The following KIF13B variants were observed in gnomAD, a reference collection of about 807,000 sequenced individuals.
KIF13B encodes kinesin family member 13B.
Under a neutral mutation model 222.0 loss-of-function variants are expected in KIF13B, and 127 were observed. The ratio of observed to expected loss-of-function variants is 0.57; its 90% CI spans 0.50 to 0.66. KIF13B has a LOEUF of 0.66. Ranked by LOEUF, KIF13B falls within the 30% of genes least tolerant of loss-of-function variation. The pLI is 0.00. For missense variants in KIF13B, 2,173 were observed against 2,379.0 expected (o/e 0.91, Z 1.80); for synonymous variants, 976 against 919.0 (o/e 1.06, Z -1.12).
intron 1 of KIF13B, among the ~76,000 whole-genome samples, chr8:29,261,325 A>C (rs1816672931): frequency 6.6e-6 from 1 of 152,244 alleles, no homozygotes; most frequent in African/African-American, 2.4e-5. Flanking sequence ...GCAATTTATA[A>C]GAGAAAAGCA....
At chr8:29,121,663 A>T (rs1809866058) in intron 29 of KIF13B, among the ~76,000 whole-genome samples, 1 of 140,152 alleles carries the variant, frequency 7.1e-6, no homozygotes, top group South Asian at 2.5e-4. Context: ...CTTCATGTCC[A>T]AAACACCAAA....
At chr8:29,255,917 T>C (rs1487538099) in intron 1 of KIF13B, among the ~76,000 whole-genome samples, 1 of 152,144 alleles carries the variant, frequency 6.6e-6, no homozygotes, top group Non-Finnish European at 1.5e-5. Context: ...GAGGTTGCTC[T>C]TCTTGGCCTC....
chr8:29,204,315 A>G (rs752334782), intron 2 of KIF13B, among the ~76,000 whole-genome samples: 8 of 152,238 alleles, frequency 5.3e-5, no homozygotes, highest in Non-Finnish European at 1.0e-4. Context: ...TTCAAAGAAT[A>G]CACTCAGTAT....
chr8:29,254,759 T>C (rs1414184967), intron 1 of KIF13B, among the ~76,000 whole-genome samples: 2 of 152,218 alleles, frequency 1.3e-5, no homozygotes, highest in African/African-American at 4.8e-5. Context: ...TTAGTTACTA[T>C]ATGACTCAGA....
rs759909711 is a variant in KIF13B, at chr8:29,181,940, T to C, written c.564A>G (p.Lys188=). The C allele has an allele frequency of 1.1e-5, 18 of 1,613,482 alleles. No individual in the cohort carries two copies. The highest frequency in any genetic ancestry group is 1.4e-5 in the Non-Finnish European group (17 of 1,179,604). Residue 188 remains lysine (K), a synonymous_variant, in exon 7 of 40, where the codon AAA becomes AAG. Transcript: ENST00000524189. Reference sequence around the variant, plus strand: ...TTACCTTGTAGCTTGTGACAGCCAGTTTAGAAAGTCCGTCGACATAAGGTC... The same window carrying C: ...TTACCTTGTAGCTTGTGACAGCCAGCTTAGAAAGTCCGTCGACATAAGGTC... ...VLGPYVDGLS[K]LAVTSYKDIE...
intron 2 of KIF13B, among the ~76,000 whole-genome samples, chr8:29,210,811 G>A (rs1814187406): frequency 6.6e-6 from 1 of 152,174 alleles, no homozygotes; most frequent in Non-Finnish European, 1.5e-5. Context: ...CACAAGTAGA[G>A]CACAAAGAAC....
chr8:29,212,848 G>A (rs933098091), intron 2 of KIF13B, among the ~76,000 whole-genome samples: 7 of 149,192 alleles, frequency 4.7e-5, no homozygotes, highest in Non-Finnish European at 8.9e-5. Flanking sequence ...GATAACACAC[G>A]TACCTGAGGC....
At position 29,211,584 on chromosome 8, in the gene KIF13B, G is replaced by T. The variant is rs537646920; in HGVS notation, c.150-15385C>A. Among the ~76,000 whole-genome samples the T allele has an allele frequency of 4.6e-5, 7 of 152,316 alleles. No homozygotes were observed. The East Asian group carries it at 1.4e-3, about 29-fold the overall frequency. ...CAGGAATCTGCTCAGGGGCCCTTCA[G>T]TCTTTGTCTTTGGCTGAGTAAACTT... is the stretch of plus-strand genomic sequence containing the variant. On this transcript the variant is annotated intron_variant, in intron 2 of 39. Transcript: ENST00000524189.
intron 2 of KIF13B, among the ~76,000 whole-genome samples, chr8:29,228,524 A>G (rs1815144317): frequency 6.7e-6 from 1 of 149,038 alleles, no homozygotes; most frequent in Non-Finnish European, 1.5e-5. Context: ...AGGACAGCAA[A>G]GTATAAGACT....
At position 29,263,009 on chromosome 8, in the gene KIF13B, G is replaced by A. The variant is rs1489156088; in HGVS notation, c.26C>T (p.Ala9Val). The change falls in exon 1 of 40, where the codon GCG becomes GTG. Residue 9 changes from alanine (A) to valine (V), a missense_variant. Around this residue, in one of 2 missense-constraint regions of KIF13B, gnomAD observed 1,480 missense variants for 1,722.8 expected, o/e 0.86. Coordinates refer to ENST00000524189, the MANE Select transcript of KIF13B (RefSeq NM_015254.4). ...CCGGTTCATGGGTCGTATCCGCACCGCCACTTTCACTTTGGAGTCCCCCAT... is the reference window on the plus strand; with the variant it reads ...CCGGTTCATGGGTCGTATCCGCACCACCACTTTCACTTTGGAGTCCCCCAT... Reference protein sequence around the residue: MGDSKVKVAVRIRPMNRRE... With the variant: MGDSKVKVVVRIRPMNRRE... The A allele has an allele frequency of 1.3e-6, 2 of 1,598,496 alleles. No homozygotes were observed. The highest frequency in any genetic ancestry group is 1.7e-5 in the Admixed American group (1 of 58,928).
intron 10 of KIF13B, among the ~76,000 whole-genome samples, chr8:29,175,799 C>T (rs1812452085): frequency 6.6e-6 from 1 of 152,230 alleles, no homozygotes; most frequent in Non-Finnish European, 1.5e-5. Context: ...CCTTTCTCTA[C>T]TCCCCTAAAT....
intron 5 of KIF13B, among the ~76,000 whole-genome samples, chr8:29,187,688 C>G (rs1351647938): frequency 3.3e-5 from 5 of 152,176 alleles, no homozygotes; most frequent in Non-Finnish European, 7.3e-5. Flanking sequence ...TTTTTAGTAG[C>G]AGTGTTTTTG....
intron 5 of KIF13B, among the ~76,000 whole-genome samples, chr8:29,187,492 C>T (rs547470685): frequency 2.2e-4 from 33 of 152,202 alleles, no homozygotes; most frequent in Non-Finnish European, 4.6e-4. Context: ...GATTGTGCCA[C>T]TGCACTCCAG....
intron 23 of KIF13B, 57 bp from the exon 24 acceptor site, chr8:29,130,722 C>T: frequency 6.6e-7 from 1 of 1,520,262 alleles, no homozygotes; most frequent in Non-Finnish European, 9.1e-7. Flanking sequence ...TTACAGGCAG[C>T]TTAGGGTCCT....
chr8:29,262,870 G>T, intron 1 of KIF13B, 110 bp downstream of exon 1: 1 of 838,284 alleles, frequency 1.2e-6, no homozygotes, highest in Non-Finnish European at 1.7e-6. Flanking sequence ...CTCGCGCCCC[G>T]CCGCTGACTA....
chr8:29,176,005 C>T (rs952734589), intron 10 of KIF13B, 63 bp downstream of exon 10: 1 of 933,834 alleles, frequency 1.1e-6, no homozygotes, highest in East Asian at 2.5e-5. Context: ...ACAGTCTACT[C>T]TTTTTTCTTC....
intron 24 of KIF13B, 91 bp downstream of exon 24, chr8:29,130,442 T>C: frequency 7.5e-7 from 1 of 1,328,222 alleles, no homozygotes; most frequent in Non-Finnish European, 1.1e-6. Context: ...CAGTCTAGAT[T>C]TCATTATTGC....
At chr8:29,134,968 C>T (rs780250013) in intron 21 of KIF13B, among the ~76,000 whole-genome samples, 2 of 152,092 alleles carry the variant, frequency 1.3e-5, no homozygotes, top group African/African-American at 2.4e-5. Flanking sequence ...CTAATCAGAC[C>T]CAAAGGCCCC....
intron 6 of KIF13B, among the ~76,000 whole-genome samples, chr8:29,185,917 A>C (rs1812904747): frequency 6.6e-6 from 1 of 152,192 alleles, no homozygotes; most frequent in South Asian, 2.1e-4. Flanking sequence ...AGGCCTCCTA[A>C]GACTTCCAAT....
Sources: allele counts gnomAD v4.1 joint callset (sites outside exome capture counted in the v4.1 genomes callset), GRCh38; gene constraint gnomAD v4.1.1; regional missense constraint gnomAD v4.1.1; transcripts MANE v1.5; gene names NCBI Gene and HGNC (gene_info 2026-07-23, HGNC 2026-07-21).